The following KCNC3 variants were observed in gnomAD, a reference collection of about 807,000 sequenced individuals.
The protein encoded by KCNC3 is voltage-gated potassium channel KCNC3.
A neutral mutation model predicts 43.9 loss-of-function variants in KCNC3; 22 were observed. The observed-to-expected ratio is 0.50, with a 90% CI of 0.36 to 0.72. The LOEUF (loss-of-function observed/expected upper bound fraction) is 0.72, where lower values mean the gene tolerates loss of function less well. KCNC3 is among the 30% of genes least tolerant of loss of function. KCNC3 has a pLI of 0.00. For missense variants in KCNC3, 829 were observed against 1,073.8 expected, an observed-to-expected ratio of 0.77 and a Z score of 3.19; for synonymous variants, 492 against 488.0, an observed-to-expected ratio of 1.01 and a Z score of -0.11.
chr19:50,318,269 G>C (rs2036982620), intron 4 of KCNC3, among the ~76,000 whole-genome samples: 3 of 152,008 alleles, frequency 2.0e-5, no homozygotes, highest in South Asian at 4.2e-4. Flanking sequence ...CCACCTCCCG[G>C]GTTCAAGTGA....
At position 50,329,083 on chromosome 19, in the gene KCNC3, TGGACGGGGGGCGGGGCGGGAG is replaced by T; in HGVS notation, c.-22_-2del. The T allele has an allele frequency of 9.3e-6, 3 of 321,320 alleles. No homozygotes were observed. Among genetic ancestry groups the T allele is most frequent in the Non-Finnish European group, 1.2e-5 (3 of 249,018 alleles). 19.9% of individuals were successfully genotyped at this position (321,320 alleles called of 1,614,324 possible). A position where few individuals can be genotyped will look rare whatever the true frequency, so the allele number is the denominator to read the frequency against. On this transcript the variant is annotated 5_prime_UTR_variant, in exon 1 of 5. Coordinates refer to ENST00000477616, the MANE Select transcript of KCNC3 (RefSeq NM_004977.3). ...ACGAGACGCAGACTGAGCTCAGCATTGGACGGGGGGCGGGGCGGGAGGGGCGGGGACGCAGGGGCGGGGACA... is the reference window on the plus strand; with the variant it reads ...ACGAGACGCAGACTGAGCTCAGCATTGGGCGGGGACGCAGGGGCGGGGACA...
chr19:50,330,980 C>T (rs926514396), upstream of KCNC3, among the ~76,000 whole-genome samples: 3 of 152,006 alleles, frequency 2.0e-5, no homozygotes, highest in African/African-American at 4.8e-5. Flanking sequence ...CGGGCGCCCT[C>T]GGGCAGCACA....
In KCNC3 at chr19:50,320,637, A is replaced by G. The variant is rs753175498; in HGVS notation, c.2126T>C (p.Leu709Pro). The part of the protein sequence containing the change: ...GRYSRDRACF[L>P]LTDYAPSPDG... ...AGGGGAAGGGGCATAGTCGGTGAGGAGGAAGCAGGCTCGGTCCCGGCTATA... is the reference window on the plus strand; with the variant it reads ...AGGGGAAGGGGCATAGTCGGTGAGGGGGAAGCAGGCTCGGTCCCGGCTATA... The change falls in exon 3 of 5, where the codon CTC becomes CCC. Residue 709 changes from leucine to proline, a missense_variant. Physicochemically the swap from Leu to Pro is moderately conservative, Grantham distance 98. Coordinates refer to ENST00000477616, the MANE Select transcript of KCNC3 (RefSeq NM_004977.3). The G allele has an allele frequency of 3.1e-6, 5 of 1,613,002 alleles. No individual in the cohort carries two copies. Among genetic ancestry groups the G allele is most frequent in the Middle Eastern group, 1.8e-4 (1 of 5,466 alleles).
upstream of KCNC3, among the ~76,000 whole-genome samples, chr19:50,333,023 C>G (rs982302271): frequency 2.0e-5 from 3 of 152,172 alleles, no homozygotes; most frequent in African/African-American, 7.2e-5. Context: ...TCCTTCGTCC[C>G]CTAAAACCCT....
intron 4 of KCNC3, among the ~76,000 whole-genome samples, chr19:50,319,844 T>C (rs915279546): frequency 1.3e-5 from 2 of 151,966 alleles, no homozygotes; most frequent in Non-Finnish European, 2.9e-5. Flanking sequence ...GACGGATGGC[T>C]GAGCCTTTCT....
Position 50,314,574 on chromosome 19 carries a change from T to G in KCNC3, c.*1541A>C. 7.0e-6 allele frequency: 2 copies of G among 285,082 alleles called. No homozygotes were observed. The allele number at this position is 285,082 out of a possible 1,614,324, so 17.7% of individuals were successfully genotyped here. A position where few individuals can be genotyped will look rare whatever the true frequency, so the allele number is the denominator to read the frequency against. The stretch of plus-strand genomic sequence containing the variant: ...ATAATTTGGACTTATTTACACAAGT[T>G]GATGGCAGGGGGATGTCCTATGGCT... On this transcript the variant is annotated 3_prime_UTR_variant, in exon 5 of 5. Coordinates refer to ENST00000477616, the MANE Select transcript of KCNC3 (RefSeq NM_004977.3).
upstream of KCNC3, among the ~76,000 whole-genome samples, chr19:50,330,388 G>A (rs1002331679): frequency 1.3e-5 from 2 of 152,138 alleles, no homozygotes; most frequent in African/African-American, 4.8e-5. Context: ...GCAGGGCAGG[G>A]CTAAGGGAGG....
In KCNC3 at chr19:50,323,073, C is replaced by G. The variant is rs962552787; in HGVS notation, c.1880G>C (p.Gly627Ala). ...CCCCATGATCCCCAGCCCACCCGCT[C>G]CCCCCCTGAGCAGCCCGGGGTGCGT... ...PHTHPGLLRG[G>A]AGGLGIMGLP... The change falls in exon 2 of 5, where the codon GGA (glycine) becomes GCA (alanine). Residue 627 changes from glycine to alanine, a missense_variant. Transcript: ENST00000477616. 1 of 1,535,444 alleles carries G rather than the reference C, an allele frequency of 6.5e-7. No homozygotes were observed. The highest frequency in any genetic ancestry group is 2.5e-5 in the East Asian group (1 of 40,778).
chr19:50,320,756 T>C lies in KCNC3; in HGVS notation c.2007A>G (p.Ala669=). The C allele has an allele frequency of 3.1e-6, 5 of 1,613,914 alleles. No individual in the cohort carries two copies. The highest frequency in any genetic ancestry group is 4.2e-6 in the Non-Finnish European group (5 of 1,179,936). Residue 669 remains alanine, a synonymous_variant, in exon 3 of 5, where the codon GCA becomes GCG. Transcript: ENST00000477616. The stretch of plus-strand genomic sequence containing the variant: ...GGCAGTCCTCGTGGGCAAGCGCAGC[T>C]GCTGCCGGATCCCCATTGGGGCGAG... ...ADPRPNGDPA[A]AALAHEDCPA... is the part of the protein sequence containing the mutation.
chr19:50,320,396 A>C (rs1236350423), intron 3 of KCNC3, 47 bp from the exon 4 acceptor site: 1 of 599,438 alleles, frequency 1.7e-6, no homozygotes, highest in South Asian at 2.0e-5. Context: ...ATGGACATGG[A>C]ATAAAGACAG....
chr19:50,320,579 G>A lies in KCNC3; in HGVS notation c.2170+14C>T, dbSNP rs189018316. 12,646 of 1,608,416 alleles carry A rather than the reference G, an allele frequency of 7.9e-3. 129 individuals carry two copies. The highest frequency in any genetic ancestry group is 7.6e-3 in the Non-Finnish European group (8,931 of 1,178,058). ...AGGGAGGGTCCCAGGGGATCAGTAG[G>A]GGGGGCACCTCACCTTTTCGGATGG... On this transcript the variant is annotated intron_variant, in intron 3 of 4. Coordinates refer to ENST00000477616, the MANE Select transcript of KCNC3 (RefSeq NM_004977.3).
chr19:50,328,044 G>A (rs1305319236), intron 1 of KCNC3, among the ~76,000 whole-genome samples, 169 bp downstream of exon 1: 3 of 151,034 alleles, frequency 2.0e-5, no homozygotes, highest in Non-Finnish European at 4.4e-5. Flanking sequence ...GGCTGCGAGA[G>A]GGGGGTGTGT....
chr19:50,321,439 T>A (rs1385381200), intron 2 of KCNC3, among the ~76,000 whole-genome samples: 3 of 152,076 alleles, frequency 2.0e-5, no homozygotes. Flanking sequence ...TGCTTCAGCC[T>A]GGGTGATAGA....
At chr19:50,326,501 C>T (rs1277248422) in intron 1 of KCNC3, among the ~76,000 whole-genome samples, 1 of 152,248 alleles carries the variant, frequency 6.6e-6, no homozygotes, top group African/African-American at 2.4e-5. Flanking sequence ...TCCCCCGGCG[C>T]GAATGCGGCA....
At chr19:50,322,308 ATC>A (rs1477172203) in intron 2 of KCNC3, among the ~76,000 whole-genome samples, 4 of 151,814 alleles carry the variant, frequency 2.6e-5, no homozygotes, top group African/African-American at 9.7e-5. Flanking sequence ...ACCTCTCTGG[ATC>A]TCTCTTTGGG....
rs2036889122 is a variant in KCNC3 at position 50,312,324 on chromosome 19, T to TGTC, written c.*3790_*3791insGAC. Reference sequence around the variant, plus strand: ...GCTCTGTGTGTGTGTGTGTGTGTGTTGGGGAGGGTGAGCCGCGGAGCTCAG... The same window carrying TGTC: ...GCTCTGTGTGTGTGTGTGTGTGTGTTGTCGGGGAGGGTGAGCCGCGGAGCTCAG... On this transcript the variant is annotated 3_prime_UTR_variant, in exon 5 of 5. Coordinates refer to ENST00000477616, the MANE Select transcript of KCNC3 (RefSeq NM_004977.3). The TGTC allele has an allele frequency of 1.6e-5, 2 of 125,472 alleles. No individual in the cohort carries two copies. The highest frequency in any genetic ancestry group is 3.5e-5 in the Non-Finnish European group (2 of 57,342). 7.8% of individuals were successfully genotyped at this position (125,472 alleles called of 1,614,324 possible).
At position 50,320,504 on chromosome 19, in the gene KCNC3, C is replaced by T. The variant is rs377167640; in HGVS notation, c.2170+89G>A. 1,147 of 1,289,476 alleles carry T rather than the reference C, an allele frequency of 8.9e-4. 23 individuals are homozygous for T. In the South Asian group the frequency reaches 0.014, roughly 15 times the overall value. 79.9% of individuals were successfully genotyped at this position (1,289,476 alleles called of 1,614,324 possible). On this transcript the variant is annotated intron_variant, in intron 3 of 4. Transcript: ENST00000477616. ...AAGGGAAGGGGGAAGGGAAGTCCAC[C>T]GCCTCCTCCCCCATCCCCCTCTCCT...
chr19:50,333,213 G>T (rs1403137224), upstream of KCNC3, among the ~76,000 whole-genome samples: 1 of 152,122 alleles, frequency 6.6e-6, no homozygotes, highest in Non-Finnish European at 1.5e-5. Context: ...AGGTGGGGAT[G>T]GGGGAATCCG....
In KCNC3 at chr19:50,323,935, C is replaced by T. The variant is rs115351343; in HGVS notation, c.1018G>A (p.Val340Met). The T allele has an allele frequency of 4.8e-5, 78 of 1,614,220 alleles. No homozygotes were observed. The East Asian group carries it at 1.2e-3, about 25-fold the overall frequency. ...PGAPPENITN[V>M]EVETEPFLTY... ...AGGAAGGGCTCCGTCTCCACCTCCA[C>T]GTTGGTGATGTTCTCCGGAGGTGCC... Residue 340 changes from valine to methionine, a missense_variant, in exon 2 of 5, where the codon GTG (valine) becomes ATG (methionine). This residue lies in a region of KCNC3 where 157 missense variants were observed against 293.5 expected (regional missense o/e 0.53). Transcript: ENST00000477616.
Sources: allele counts gnomAD v4.1 joint callset (sites outside exome capture counted in the v4.1 genomes callset), GRCh38; gene constraint gnomAD v4.1.1; regional missense constraint gnomAD v4.1.1; transcripts MANE v1.5; gene names NCBI Gene and HGNC (gene_info 2026-07-23, HGNC 2026-07-21).